PRKAG2: variants seen among roughly 807,000 people sequenced by gnomAD.
PRKAG2 encodes the protein 5'-AMP-activated protein kinase subunit gamma-2.
PRKAG2 carries 26 observed loss-of-function variants against 69.6 expected under a neutral mutation model. The observed-to-expected ratio is 0.37, with a 90% CI of 0.27 to 0.52. PRKAG2 has a LOEUF of 0.52. PRKAG2 is among the 20% of genes least tolerant of loss of function. PRKAG2 has a pLI of 0.90. For missense variants in PRKAG2, 557 were observed against 740.0 expected (o/e 0.75, Z 2.87); for synonymous variants, 293 against 285.0 (o/e 1.03, Z -0.28).
chr7:151,814,339 G>T lies in PRKAG2; in HGVS notation c.115-27798C>A. ...TTACACACCAAGGAGACAAAGCATC[G>T]TGAGGGGGAAAACCGCACACCCAGG... is the stretch of plus-strand genomic sequence containing the variant. On this transcript the variant is annotated intron_variant, in intron 1 of 15. Transcript: ENST00000287878. The surrounding 1 kb of genome is among the most constrained non-coding windows in gnomAD (Gnocchi z 4.8). The T allele has an allele frequency of 9.7e-7, 1 of 1,029,488 alleles. No individual in the cohort carries two copies. Among genetic ancestry groups the T allele is most frequent in the Non-Finnish European group, 1.2e-6 (1 of 819,642 alleles). The allele number at this position is 1,029,488 out of a possible 1,614,324, so 63.8% of individuals were successfully genotyped here.
intron 5 of PRKAG2, among the ~76,000 whole-genome samples, chr7:151,626,054 A>G (rs1050768268): frequency 6.6e-6 from 1 of 152,230 alleles, no homozygotes; most frequent in Non-Finnish European, 1.5e-5. Context: ...CAACACATCC[A>G]CCAGGAAGCA....
intron 1 of PRKAG2, among the ~76,000 whole-genome samples, chr7:151,861,528 C>CAAA (rs11406004): frequency 1.3e-4 from 13 of 96,548 alleles, no homozygotes; most frequent in Admixed American, 7.0e-4. Context: ...ACTCTGTCTC[C>CAAA]AAAAAAAAAA....
intron 15 of PRKAG2, chr7:151,558,912 T>C: frequency 1.0e-6 from 1 of 985,424 alleles, no homozygotes; most frequent in Non-Finnish European, 1.2e-6. Context: ...ACAGAGAGGA[T>C]GAATCGCTTG....
At chr7:151,817,421 C>T (rs2078671933) in intron 1 of PRKAG2, among the ~76,000 whole-genome samples, 1 of 152,184 alleles carries the variant, frequency 6.6e-6, no homozygotes, top group Admixed American at 6.5e-5. Flanking sequence ...ACCAGAAAAC[C>T]TTCACTAGCT....
At chr7:151,677,594 A>G (rs1411448010) in intron 3 of PRKAG2, among the ~76,000 whole-genome samples, 4 of 152,248 alleles carry the variant, frequency 2.6e-5, no homozygotes, top group Non-Finnish European at 5.9e-5. Context: ...CTGTTAAATT[A>G]CATGTAGCCT....
intron 3 of PRKAG2, among the ~76,000 whole-genome samples, chr7:151,752,270 A>G (rs2074744877): frequency 6.6e-6 from 1 of 152,240 alleles, no homozygotes; most frequent in South Asian, 2.1e-4. Context: ...ATGGAGCTGG[A>G]GGCGATCATC....
At chr7:151,827,393 C>G (rs1289768343) in intron 1 of PRKAG2, among the ~76,000 whole-genome samples, 1 of 152,078 alleles carries the variant, frequency 6.6e-6, no homozygotes, top group African/African-American at 2.4e-5. Flanking sequence ...TGCCTGCCAC[C>G]ACACCCAGCT....
chr7:151,781,073 T>A lies in PRKAG2; in HGVS notation c.466+79A>T. 1 of 1,584,776 alleles carries A rather than the reference T, an allele frequency of 6.3e-7. No homozygotes were observed. The highest frequency in any genetic ancestry group is 8.6e-7 in the Non-Finnish European group (1 of 1,157,722). ...GCTCACAGCCACCTGGCAGCTTCGG[T>A]GCCACCGTGGATGTGTGGCTGCAGA... is the stretch of plus-strand genomic sequence containing the variant. On this transcript the variant is annotated intron_variant, in intron 3 of 15. Coordinates refer to ENST00000287878, the MANE Select transcript of PRKAG2 (RefSeq NM_016203.4). This position sits in a 1 kb window ranked among gnomAD's most constrained non-coding sequence, Gnocchi z 6.1.
intron 1 of PRKAG2, among the ~76,000 whole-genome samples, chr7:151,869,089 G>C (rs564384691): frequency 7.2e-5 from 11 of 152,276 alleles, no homozygotes; most frequent in South Asian, 2.1e-4. Context: ...GTTTTATTGG[G>C]GGGGGCAGTT....
intron 3 of PRKAG2, among the ~76,000 whole-genome samples, chr7:151,764,592 C>T (rs1563622017): frequency 2.0e-5 from 3 of 152,358 alleles, no homozygotes; most frequent in South Asian, 4.1e-4. Context: ...CCCAGGACTG[C>T]GATGGCTACA....
At chr7:151,667,197 G>A (rs1831183983) in intron 4 of PRKAG2, among the ~76,000 whole-genome samples, 1 of 152,186 alleles carries the variant, frequency 6.6e-6, no homozygotes, top group South Asian at 2.1e-4. Flanking sequence ...AGACTGCATT[G>A]CATCACAACT....
chr7:151,662,731 T>A (rs1830504744), intron 4 of PRKAG2, among the ~76,000 whole-genome samples: 2 of 151,254 alleles, frequency 1.3e-5, no homozygotes, highest in Non-Finnish European at 2.9e-5. Flanking sequence ...GGAGAACCTA[T>A]CTCTTCAACA....
intron 3 of PRKAG2, among the ~76,000 whole-genome samples, chr7:151,769,860 C>G (rs2075933088): frequency 6.6e-6 from 1 of 152,152 alleles, no homozygotes; most frequent in Non-Finnish European, 1.5e-5. Context: ...ACCTGCTGGC[C>G]CCAGAGTGCG....
chr7:151,632,287 G>A lies in PRKAG2; in HGVS notation c.685-149C>T, dbSNP rs1489541234. 90 of 974,096 alleles carry A rather than the reference G, an allele frequency of 9.2e-5. No individual in the cohort carries two copies. The highest frequency in any genetic ancestry group is 1.1e-4 in the Non-Finnish European group (88 of 818,310). 60.3% of individuals were successfully genotyped at this position (974,096 alleles called of 1,614,324 possible). A position where few individuals can be genotyped will look rare whatever the true frequency, so the allele number is the denominator to read the frequency against. Reference sequence around the variant, plus strand: ...AGGGGACGCGGGCAGCGGGGGCCGGGGGCGGAGCGGGAGCGCTGCCCCCAC... The same window carrying A: ...AGGGGACGCGGGCAGCGGGGGCCGGAGGCGGAGCGGGAGCGCTGCCCCCAC... On this transcript the variant is annotated intron_variant, in intron 4 of 15. Coordinates refer to ENST00000287878, the MANE Select transcript of PRKAG2 (RefSeq NM_016203.4). The surrounding 1 kb of genome is among the most constrained non-coding windows in gnomAD (Gnocchi z 4.2).
intron 3 of PRKAG2, among the ~76,000 whole-genome samples, chr7:151,747,155 C>T (rs973476413): frequency 5.6e-5 from 8 of 143,912 alleles, no homozygotes; most frequent in Non-Finnish European, 1.1e-4. Flanking sequence ...CTGCCTCAAA[C>T]AGAAGTTTGT....
intron 14 of PRKAG2, among the ~76,000 whole-genome samples, chr7:151,561,939 A>AG (rs1805080563): frequency 7.5e-6 from 1 of 133,648 alleles, no homozygotes; most frequent in Non-Finnish European, 1.6e-5. Flanking sequence ...TCTTAAAAAA[A>AG]AAAAAAAAAA....
intron 3 of PRKAG2, among the ~76,000 whole-genome samples, chr7:151,682,360 T>C (rs1453279417): frequency 2.6e-5 from 4 of 152,006 alleles, no homozygotes; most frequent in African/African-American, 9.7e-5. Flanking sequence ...CCCACCTCAG[T>C]CTCCTGAGTA....
chr7:151,782,335 A>C (rs13243779), intron 2 of PRKAG2, among the ~76,000 whole-genome samples: 1 of 27,408 alleles, frequency 3.6e-5, no homozygotes, highest in African/African-American at 1.3e-4. Context: ...GAAGGAAGGA[A>C]GGAAGGAGGG....
At chr7:151,816,169 A>T (rs1040796432) in intron 1 of PRKAG2, among the ~76,000 whole-genome samples, 7 of 152,134 alleles carry the variant, frequency 4.6e-5, no homozygotes, top group Non-Finnish European at 8.8e-5. Flanking sequence ...GCTTTCTTAA[A>T]GTCACTTTCA....
Sources: allele counts gnomAD v4.1 joint callset (sites outside exome capture counted in the v4.1 genomes callset), GRCh38; gene constraint gnomAD v4.1.1; non-coding constraint Gnocchi (gnomAD v3.1); transcripts MANE v1.5; gene names NCBI Gene and HGNC (gene_info 2026-07-23, HGNC 2026-07-21).